Variants in LIN7A observed in about 807,000 individuals in gnomAD.
The protein encoded by LIN7A is lin-7 cell polarity scaffold A.
LIN7A carries 25 observed loss-of-function variants against 29.8 expected under a neutral mutation model. The observed-to-expected ratio is 0.84, with a 90% CI of 0.61 to 1.17. The LOEUF (loss-of-function observed/expected upper bound fraction) is 1.17. Ranked by LOEUF, LIN7A falls within the 50% of genes most tolerant of loss-of-function variation. LIN7A has a pLI of 0.00. For missense variants in LIN7A, 239 were observed against 287.0 expected (o/e 0.83, Z 1.21); for synonymous variants, 118 against 107.5 (o/e 1.10, Z -0.60).
At chr12:80,845,623 A>T in intron 4 of LIN7A, 107 bp downstream of exon 4, 1 of 860,450 alleles carries the variant, frequency 1.2e-6, no homozygotes. Flanking sequence ...GGTTAGACAT[A>T]AAATGAATAT....
chr12:80,929,084 TTTA>T (rs1425471949), intron 1 of LIN7A, among the ~76,000 whole-genome samples: 1 of 152,328 alleles, frequency 6.6e-6, no homozygotes, highest in African/African-American at 2.4e-5. Flanking sequence ...TCATGATGAA[TTTA>T]TTATTATGTT....
At chr12:80,915,342 G>A (rs964837776) in intron 1 of LIN7A, among the ~76,000 whole-genome samples, 3 of 152,108 alleles carry the variant, frequency 2.0e-5, no homozygotes, top group Non-Finnish European at 2.9e-5. Context: ...AGTGAGAATG[G>A]TGTTTGTTAA....
rs1339376999 is a variant in LIN7A, at chr12:80,845,823, G to A, written c.390C>T (p.Ser130=). 1 of 1,613,766 alleles carries A rather than the reference G, an allele frequency of 6.2e-7. No homozygotes were observed. Among genetic ancestry groups the A allele is most frequent in the Non-Finnish European group, 8.5e-7 (1 of 1,179,916 alleles). The change falls in exon 4 of 6, where the codon TCC becomes TCT. Residue 130 remains serine (S), a synonymous_variant. Transcript: ENST00000552864. The part of the protein sequence containing the change: ...FNVMGGKEQN[S]PIYISRIIPG... ...GAATTATGCGAGAGATATAAATGGG[G>A]GAATTTTGCTCCTTTCCTCCCATCA...
intron 4 of LIN7A, among the ~76,000 whole-genome samples, chr12:80,825,008 C>T (rs1000647110): frequency 1.3e-5 from 2 of 152,138 alleles, no homozygotes; most frequent in Non-Finnish European, 2.9e-5. Flanking sequence ...TGGAAGTCCT[C>T]GCCAGAGCAA....
chr12:80,892,223 C>T (rs772572882), intron 1 of LIN7A, among the ~76,000 whole-genome samples: 4 of 152,214 alleles, frequency 2.6e-5, no homozygotes, highest in Non-Finnish European at 5.9e-5. Context: ...TTCCACATCC[C>T]TGTGTCTTGG....
At chr12:80,843,900 TG>T (rs1340008724) in intron 4 of LIN7A, among the ~76,000 whole-genome samples, 2 of 152,078 alleles carry the variant, frequency 1.3e-5, no homozygotes, top group African/African-American at 4.8e-5. Flanking sequence ...GTGTGTTCCC[TG>T]CAAATGTTTA....
chr12:80,850,122 A>C (rs1873258264), intron 2 of LIN7A, among the ~76,000 whole-genome samples: 1 of 152,130 alleles, frequency 6.6e-6, no homozygotes, highest in South Asian at 2.1e-4. Flanking sequence ...TAAGACCCCA[A>C]ATTGATTTTG....
intron 1 of LIN7A, among the ~76,000 whole-genome samples, chr12:80,914,625 A>C (rs987537511): frequency 6.6e-6 from 1 of 152,198 alleles, no homozygotes; most frequent in Admixed American, 6.6e-5. Context: ...AGCTGCCCAG[A>C]TGTTAAGCTT....
intron 4 of LIN7A, among the ~76,000 whole-genome samples, chr12:80,816,527 C>T (rs1333541802): frequency 6.6e-6 from 1 of 151,558 alleles, no homozygotes; most frequent in Non-Finnish European, 1.5e-5. Context: ...TTACAATAAA[C>T]ACAAGCTAAT....
At chr12:80,804,386 C>A (rs1870870811) in intron 5 of LIN7A, among the ~76,000 whole-genome samples, 1 of 152,066 alleles carries the variant, frequency 6.6e-6, no homozygotes. Flanking sequence ...TCCTTCCCAG[C>A]CTCTGGTAAC....
chr12:80,801,742 ACT>A (rs1646281037), intron 5 of LIN7A, among the ~76,000 whole-genome samples: 1 of 152,102 alleles, frequency 6.6e-6, no homozygotes, highest in Admixed American at 6.6e-5. Context: ...TTATTATTTA[ACT>A]CATCATTCTG....
intron 1 of LIN7A, among the ~76,000 whole-genome samples, chr12:80,925,143 T>C (rs1592954723): frequency 6.6e-6 from 1 of 152,314 alleles, no homozygotes; most frequent in African/African-American, 2.4e-5. Flanking sequence ...TGATAGGCAA[T>C]GAGTACGGAA....
intron 1 of LIN7A, among the ~76,000 whole-genome samples, chr12:80,920,246 TA>T (rs1347258787): frequency 6.6e-6 from 1 of 152,188 alleles, no homozygotes; most frequent in Non-Finnish European, 1.5e-5. Flanking sequence ...TTGAATTTAA[TA>T]TGATATCCAT....
rs886372262 is a variant in LIN7A, at chr12:80,795,259, G to C, written c.*2468C>G. The C allele has an allele frequency of 5.3e-5, 8 of 152,078 alleles. No homozygotes were observed. Among genetic ancestry groups the C allele is most frequent in the African/African-American group, 1.7e-4 (7 of 41,434 alleles). The allele number at this position is 152,078 out of a possible 1,614,324, so 9.4% of individuals were successfully genotyped here. A position where few individuals can be genotyped will look rare whatever the true frequency, so the allele number is the denominator to read the frequency against. On this transcript the variant is annotated 3_prime_UTR_variant, in exon 6 of 6. Transcript: ENST00000552864. ...TTAAGTCTTAGTGATGGCTACCTCT[G>C]ATTAAAACTTTAGGAAAAGACTTAC...
intron 5 of LIN7A, among the ~76,000 whole-genome samples, chr12:80,802,598 G>T (rs1870773446): frequency 1.3e-5 from 2 of 151,502 alleles, no homozygotes; most frequent in African/African-American, 4.9e-5. Flanking sequence ...GGTGCACAAG[G>T]ATTCCTCTTA....
chr12:80,854,775 T>C (rs560682091), intron 2 of LIN7A, among the ~76,000 whole-genome samples: 2 of 152,012 alleles, frequency 1.3e-5, no homozygotes, highest in African/African-American at 2.4e-5. Flanking sequence ...GACTGACTTT[T>C]TAAAAAGCAA....
intron 4 of LIN7A, among the ~76,000 whole-genome samples, chr12:80,827,422 CA>C (rs1482696953): frequency 6.6e-6 from 1 of 151,872 alleles, no homozygotes; most frequent in East Asian, 1.9e-4. Flanking sequence ...ATTTCCTTCA[CA>C]GAAGTCATTT....
chr12:80,857,558 A>G (rs1873665532), intron 2 of LIN7A, among the ~76,000 whole-genome samples: 1 of 152,200 alleles, frequency 6.6e-6, no homozygotes, highest in South Asian at 2.1e-4. Context: ...TTTTGCTTCA[A>G]TGTGATACAT....
chr12:80,827,917 A>G (rs1874302), intron 4 of LIN7A, among the ~76,000 whole-genome samples: 130,144 of 152,066 alleles, frequency 0.86, 56,043 homozygotes, highest in African/African-American at 0.94. Context: ...ATCATTCTGG[A>G]CGTTTTTTTT....
Sources: allele counts gnomAD v4.1 joint callset (sites outside exome capture counted in the v4.1 genomes callset), GRCh38; gene constraint gnomAD v4.1.1; transcripts MANE v1.5; gene names NCBI Gene and HGNC (gene_info 2026-07-23, HGNC 2026-07-21).